SNX16: variants seen among roughly 807,000 people sequenced by gnomAD.
The protein encoded by SNX16 is sorting nexin 16, also known as sorting nexin-16.
A neutral mutation model predicts 36.7 loss-of-function variants in SNX16; 35 were observed. The observed-to-expected ratio is 0.95, with a 90% CI of 0.73 to 1.27. The LOEUF (loss-of-function observed/expected upper bound fraction) is 1.27, where lower values mean the gene tolerates loss of function less well. Among genes scored for constraint, SNX16 ranks in the 50% most tolerant of loss-of-function variants. The pLI is 0.00. For synonymous variants in SNX16, 134 were observed against 132.0 expected (o/e 1.02, Z -0.10); for missense variants, 367 against 393.6 (o/e 0.93, Z 0.57).
intron 5 of SNX16, among the ~76,000 whole-genome samples, chr8:81,809,339 A>G (rs998350004): frequency 3.3e-5 from 5 of 152,188 alleles, no homozygotes; most frequent in Non-Finnish European, 7.3e-5. Context: ...CTTATGCAAT[A>G]TATTTAAATT....
chr8:81,835,833 A>G (rs1313002226), intron 2 of SNX16, among the ~76,000 whole-genome samples: 1 of 152,214 alleles, frequency 6.6e-6, no homozygotes, highest in Admixed American at 6.5e-5. Flanking sequence ...CTGGCAGACA[A>G]GAGAGGACAG....
At chr8:81,839,098 CAT>C (rs981169850) in intron 2 of SNX16, among the ~76,000 whole-genome samples, 58 of 152,186 alleles carry the variant, frequency 3.8e-4, no homozygotes, top group Admixed American at 2.0e-3. Context: ...TAAAATATCA[CAT>C]GTTAGGAAGC....
At chr8:81,808,032 G>A in intron 5 of SNX16, 1 of 886,890 alleles carries the variant, frequency 1.1e-6, no homozygotes, top group South Asian at 1.3e-5. Context: ...TGGAACCAAA[G>A]AGAGCTGTCT....
intron 5 of SNX16, among the ~76,000 whole-genome samples, chr8:81,808,932 A>G (rs1372687238): frequency 6.6e-6 from 1 of 151,898 alleles, no homozygotes; most frequent in East Asian, 1.9e-4. Context: ...ATAACAGGTT[A>G]TTTTAGTTTC....
chr8:81,837,226 A>G (rs1312217134), intron 2 of SNX16, among the ~76,000 whole-genome samples: 2 of 152,216 alleles, frequency 1.3e-5, no homozygotes, highest in African/African-American at 4.8e-5. Context: ...TACCACTATT[A>G]CCCAGAACAG....
intron 5 of SNX16, among the ~76,000 whole-genome samples, chr8:81,811,117 GT>G (rs1193299952): frequency 1.3e-5 from 2 of 152,206 alleles, no homozygotes; most frequent in Admixed American, 6.5e-5. Context: ...TGGAAAAGGA[GT>G]GATAAACACT....
chr8:81,808,577 G>A, intron 5 of SNX16: 1 of 988,686 alleles, frequency 1.0e-6, no homozygotes, highest in East Asian at 2.4e-5. Context: ...ACAACAATCA[G>A]TCTTCAAATT....
At chr8:81,813,015 C>T (rs1810331338) in intron 5 of SNX16, among the ~76,000 whole-genome samples, 1 of 151,398 alleles carries the variant, frequency 6.6e-6, no homozygotes, top group Non-Finnish European at 1.5e-5. Context: ...TTATTTTACA[C>T]AAGATAAAAG....
At chr8:81,820,278 TC>T (rs1348372199) in intron 4 of SNX16, among the ~76,000 whole-genome samples, 9 of 152,048 alleles carry the variant, frequency 5.9e-5, no homozygotes. Flanking sequence ...CAATCTTCTT[TC>T]CCTCTTCTCC....
chr8:81,825,280 G>A (rs1290409922), intron 3 of SNX16, among the ~76,000 whole-genome samples: 1 of 152,146 alleles, frequency 6.6e-6, no homozygotes, highest in East Asian at 1.9e-4. Context: ...AAGACAAACT[G>A]ACACACATTG....
Position 81,801,431 on chromosome 8 carries a change from A to T in SNX16, c.*66T>A. The T allele has an allele frequency of 1.1e-6, 1 of 883,722 alleles. No individual in the cohort carries two copies. The highest frequency in any genetic ancestry group is 1.7e-6 in the Non-Finnish European group (1 of 580,164). The allele number at this position is 883,722 out of a possible 1,614,324, so 54.7% of individuals were successfully genotyped here. The stretch of plus-strand genomic sequence containing the variant: ...TTTTACAGTTCTTGGTTCTTCTTTT[A>T]AAATAGTATTTGCCACTCTTCTAAA... On this transcript the variant is annotated 3_prime_UTR_variant, in exon 8 of 8. Transcript: ENST00000345957.
At chr8:81,807,971 A>T (rs1356020415) in intron 5 of SNX16, 6 of 788,862 alleles carry the variant, frequency 7.6e-6, no homozygotes, top group Non-Finnish European at 1.4e-5. Context: ...ACTGTGGGGG[A>T]GGTGGATGCA....
intron 4 of SNX16, among the ~76,000 whole-genome samples, chr8:81,823,480 G>A (rs1810869506): frequency 6.6e-6 from 1 of 152,010 alleles, no homozygotes; most frequent in African/African-American, 2.4e-5. Flanking sequence ...TAATATGTAA[G>A]TGGTTTTGTT....
chr8:81,835,529 G>T (rs1811457418), intron 2 of SNX16, among the ~76,000 whole-genome samples: 1 of 152,148 alleles, frequency 6.6e-6, no homozygotes, highest in Non-Finnish European at 1.5e-5. Flanking sequence ...GCCTTTAGTA[G>T]CACCCAAGTC....
intron 1 of SNX16, chr8:81,841,615 T>C (rs1324587975): frequency 1.3e-5 from 2 of 151,954 alleles, no homozygotes; most frequent in Admixed American, 1.3e-4. Context: ...ATGTGAGCGC[T>C]ACCCAAGCGT....
At chr8:81,814,640 T>A (rs1332226966) in intron 5 of SNX16, 3 of 152,130 alleles carry the variant, frequency 2.0e-5, no homozygotes, top group Admixed American at 1.3e-4. Context: ...GTGAATATTA[T>A]GGATGAAAAT....
intron 2 of SNX16, among the ~76,000 whole-genome samples, chr8:81,838,756 T>A (rs1811607771): frequency 6.6e-6 from 1 of 151,824 alleles, no homozygotes; most frequent in Admixed American, 6.6e-5. Context: ...TTAAAAAAAG[T>A]AATAAATCAA....
chr8:81,827,341 G>T (rs1484697433), intron 3 of SNX16, among the ~76,000 whole-genome samples: 1 of 151,800 alleles, frequency 6.6e-6, no homozygotes, highest in African/African-American at 2.4e-5. Flanking sequence ...GGATTAAATA[G>T]GTCTACAATG....
intron 3 of SNX16, among the ~76,000 whole-genome samples, chr8:81,825,065 G>A (rs1302318454): frequency 1.3e-5 from 2 of 152,152 alleles, no homozygotes; most frequent in African/African-American, 4.8e-5. Context: ...TTCCAAGAAA[G>A]CAAGCCAGAA....
Sources: gnomAD v4.1 joint callset for allele counts (sites outside exome capture counted in the v4.1 genomes callset) on GRCh38, gnomAD v4.1.1 for gene constraint, MANE v1.5 for transcripts, NCBI Gene and HGNC (gene_info 2026-07-23, HGNC 2026-07-21) for gene names.